Variants in TTC27 observed in about 807,000 individuals in gnomAD.
TTC27 encodes the protein tetratricopeptide repeat domain 27, also known as tetratricopeptide repeat protein 27.
In TTC27, 79 loss-of-function variants were observed where a neutral mutation model predicts 115.9. The ratio of observed to expected loss-of-function variants is 0.68; its 90% confidence interval spans 0.57 to 0.82. The LOEUF is 0.82. Ranked by LOEUF, TTC27 falls within the 40% of genes least tolerant of loss-of-function variation. The pLI, the probability that TTC27 is intolerant of heterozygous loss-of-function variation, is 0.00. For missense variants in TTC27, 1,054 were observed against 993.1 expected (o/e 1.06, Z -0.82); for synonymous variants, 401 against 356.0 (o/e 1.13, Z -1.42).
In TTC27 at chr2:32,640,438, C is replaced by T. The variant is rs75085495; in HGVS notation, c.537+28C>T. The stretch of plus-strand genomic sequence containing the variant: ...AAGGAAAGGATCCATGAGATTCATA[C>T]CCTGGTATGACTTTTGTGCTTATTA... On this transcript the variant is annotated intron_variant, in intron 4 of 19. Coordinates refer to ENST00000317907, the MANE Select transcript of TTC27 (RefSeq NM_017735.5). The T allele has an allele frequency of 2.4e-3, 3,806 of 1,608,604 alleles. 82 individuals carry two copies. The African/African-American group carries it at 0.046, about 20-fold the overall frequency.
Position 32,628,287 on chromosome 2 carries a change from G to A in TTC27, c.-6G>A. ...GCCTGTTTTGGCTGCAGCGGTGTCTGGGGTGATGTGGACCCCGGAGCTGGC... is the reference window on the plus strand; with the variant it reads ...GCCTGTTTTGGCTGCAGCGGTGTCTAGGGTGATGTGGACCCCGGAGCTGGC... On this transcript the variant is annotated 5_prime_UTR_variant, in exon 1 of 20. Coordinates refer to ENST00000317907, the MANE Select transcript of TTC27 (RefSeq NM_017735.5). The A allele has an allele frequency of 1.2e-6, 2 of 1,602,034 alleles. No individual in the cohort carries two copies. The highest frequency in any genetic ancestry group is 1.7e-6 in the Non-Finnish European group (2 of 1,175,852).
intron 7 of TTC27, 152 bp downstream of exon 7, chr2:32,666,920 G>T: frequency 1.1e-6 from 1 of 910,106 alleles, no homozygotes; most frequent in Non-Finnish European, 1.5e-6. Flanking sequence ...GGGAGAACTG[G>T]TGTTTAACTG....
intron 10 of TTC27, among the ~76,000 whole-genome samples, chr2:32,715,841 T>C (rs981706097): frequency 1.3e-5 from 2 of 152,030 alleles, no homozygotes; most frequent in African/African-American, 2.4e-5. Context: ...GTTTGAATAA[T>C]TTGAGAAAGA....
intron 10 of TTC27, among the ~76,000 whole-genome samples, chr2:32,711,377 A>G (rs924480591): frequency 1.3e-5 from 2 of 152,220 alleles, no homozygotes; most frequent in African/African-American, 4.8e-5. Context: ...TAGTCAGATC[A>G]TGTGACAGGA....
In TTC27 at chr2:32,759,212, A is replaced by G. The variant is rs148338829; in HGVS notation, c.1680+693A>G. Among the ~76,000 whole-genome samples the G allele has an allele frequency of 8.4e-3, 1,274 of 152,318 alleles. 14 individuals are homozygous for G. Among genetic ancestry groups the G allele is most frequent in the African/African-American group, 0.03 (1,227 of 41,574 alleles). On this transcript the variant is annotated intron_variant, in intron 13 of 19. Coordinates refer to ENST00000317907, the MANE Select transcript of TTC27 (RefSeq NM_017735.5). ...TTATAACTGCCTTCCCATTTCACCA[A>G]TCAAAGGCACATATAACTGTCAATC...
chr2:32,676,351 T>G (rs1176359766), intron 8 of TTC27, among the ~76,000 whole-genome samples: 1 of 151,384 alleles, frequency 6.6e-6, no homozygotes, highest in African/African-American at 2.5e-5. Context: ...CTTCATTGAT[T>G]TTTTTTCTTT....
At chr2:32,717,372 T>G (rs1015640216) in intron 10 of TTC27, among the ~76,000 whole-genome samples, 1 of 152,188 alleles carries the variant, frequency 6.6e-6, no homozygotes, top group Non-Finnish European at 1.5e-5. Context: ...AATGGTGTGA[T>G]TGGACCCATG....
At chr2:32,720,260 G>A (rs1167341967) in intron 10 of TTC27, among the ~76,000 whole-genome samples, 2 of 152,174 alleles carry the variant, frequency 1.3e-5, no homozygotes, top group Middle Eastern at 3.2e-3. Context: ...CAGCTAGAAT[G>A]TGAGCTTCTT....
chr2:32,757,047 T>C (rs1160974756), intron 12 of TTC27, among the ~76,000 whole-genome samples: 4 of 152,196 alleles, frequency 2.6e-5, no homozygotes. Context: ...ATGGGCTGTC[T>C]GGAATCAGGT....
intron 16 of TTC27, among the ~76,000 whole-genome samples, chr2:32,795,317 A>G (rs220661): frequency 0.011 from 1,630 of 152,098 alleles, 40 homozygotes; most frequent in African/African-American, 0.037. Context: ...AATATAATAT[A>G]CTACATTAAC....
At chr2:32,669,822 G>A (rs1366907153) in intron 7 of TTC27, among the ~76,000 whole-genome samples, 1 of 140,502 alleles carries the variant, frequency 7.1e-6, no homozygotes, top group Admixed American at 7.8e-5. Context: ...GGAGGTGGAG[G>A]TTGCAGTGAG....
intron 4 of TTC27, among the ~76,000 whole-genome samples, chr2:32,647,607 G>A (rs949250651): frequency 2.6e-5 from 4 of 152,172 alleles, no homozygotes; most frequent in Admixed American, 6.6e-5. Context: ...CTTTAGAAGC[G>A]AACCAGGCTA....
chr2:32,801,209 G>A (rs1367358246), intron 16 of TTC27, among the ~76,000 whole-genome samples: 1 of 152,052 alleles, frequency 6.6e-6, no homozygotes, highest in Admixed American at 6.6e-5. Context: ...AGTTTTCTAG[G>A]GCTACAATAA....
At chr2:32,726,346 A>G (rs1222039484) in intron 10 of TTC27, among the ~76,000 whole-genome samples, 2 of 152,194 alleles carry the variant, frequency 1.3e-5, no homozygotes, top group Non-Finnish European at 2.9e-5. Context: ...ACAGCATCCA[A>G]GTCACCTCTT....
intron 10 of TTC27, among the ~76,000 whole-genome samples, chr2:32,725,867 A>G (rs1572552217): frequency 6.6e-6 from 1 of 152,314 alleles, no homozygotes; most frequent in South Asian, 2.1e-4. Context: ...ATCCTCTGAA[A>G]TCTAGGCAGA....
chr2:32,818,817 T>C (rs1671591380), intron 19 of TTC27, among the ~76,000 whole-genome samples: 1 of 152,176 alleles, frequency 6.6e-6, no homozygotes, highest in South Asian at 2.1e-4. Flanking sequence ...CCTTTCTGAG[T>C]ATTTTTTTGT....
At chr2:32,677,272 C>A (rs907711180) in intron 8 of TTC27, among the ~76,000 whole-genome samples, 1 of 151,880 alleles carries the variant, frequency 6.6e-6, no homozygotes, top group African/African-American at 2.4e-5. Flanking sequence ...AACAATTTGT[C>A]GTTTTCCTTT....
At chr2:32,795,132 GA>G (rs61698560) in intron 16 of TTC27, among the ~76,000 whole-genome samples, 102,812 of 141,048 alleles carry the variant, frequency 0.73, 36,758 homozygotes, top group African/African-American at 0.8. Context: ...GACATTACAA[GA>G]AAAAAAAAAA....
intron 13 of TTC27, among the ~76,000 whole-genome samples, chr2:32,762,601 G>A (rs1410950614): frequency 6.6e-6 from 1 of 151,522 alleles, no homozygotes; most frequent in Non-Finnish European, 1.5e-5. Flanking sequence ...TGAGTTAAGA[G>A]ACTGTAGCAA....
Sources: gnomAD v4.1 joint callset for allele counts (sites outside exome capture counted in the v4.1 genomes callset) on GRCh38, gnomAD v4.1.1 for gene constraint, MANE v1.5 for transcripts, NCBI Gene and HGNC (gene_info 2026-07-23, HGNC 2026-07-21) for gene names.